Variants in TENM2 observed in about 807,000 individuals in gnomAD.
The protein encoded by TENM2 is teneurin transmembrane protein 2, also known as teneurin-2.
A neutral mutation model predicts 245.2 loss-of-function variants in TENM2; 52 were observed. The ratio of observed to expected loss-of-function variants is 0.21; its 90% CI spans 0.17 to 0.27. The LOEUF is 0.27. Among genes scored for constraint, TENM2 ranks in the 10% least tolerant of loss-of-function variants. The pLI is 1.00. For synonymous variants in TENM2, 1,363 were observed against 1,438.9 expected, an observed-to-expected ratio of 0.95 and a Z score of 1.19; for missense variants, 3,046 against 3,666.8, an observed-to-expected ratio of 0.83 and a Z score of 4.37.
chr5:167,836,493 A>G (rs1043513398), intron 2 of TENM2, among the ~76,000 whole-genome samples: 1 of 152,220 alleles, frequency 6.6e-6, no homozygotes, highest in Admixed American at 6.5e-5. Flanking sequence ...ATGGAATAAT[A>G]TATTTTTGGA....
At chr5:168,220,718 G>C (rs1007659798) in intron 23 of TENM2, among the ~76,000 whole-genome samples, 2 of 152,176 alleles carry the variant, frequency 1.3e-5, no homozygotes, top group African/African-American at 2.4e-5. Flanking sequence ...TTCACCTCCT[G>C]TCAGGGCAGT....
the TENM2 span, among the ~76,000 whole-genome samples, chr5:167,064,075 G>A: frequency 8.5e-4 from 129 of 152,254 alleles, no homozygotes; most frequent in African/African-American, 3.0e-3. Flanking sequence ...AGGCATGTGG[G>A]CTGTTTGCCC....
chr5:167,285,022 C>T, exon 1 of TENM2: 1 of 1,552,216 alleles, frequency 6.4e-7, no homozygotes, highest in Non-Finnish European at 8.7e-7. Flanking sequence ...AACCGAGTCA[C>T]AGACCTCATC....
chr5:167,887,094 A>C (rs939407944), intron 3 of TENM2, among the ~76,000 whole-genome samples: 2 of 152,232 alleles, frequency 1.3e-5, no homozygotes, highest in South Asian at 4.1e-4. Context: ...CACAGGTACC[A>C]TCATTTCCTC....
the TENM2 span, among the ~76,000 whole-genome samples, chr5:167,002,502 T>C: frequency 1.3e-5 from 2 of 151,946 alleles, no homozygotes; most frequent in East Asian, 3.9e-4. Context: ...CCATTCAAAA[T>C]CTGTTAATAA....
At chr5:167,907,558 T>G (rs1453832457) in intron 3 of TENM2, among the ~76,000 whole-genome samples, 4 of 120,198 alleles carry the variant, frequency 3.3e-5, no homozygotes, top group Non-Finnish European at 5.1e-5. Flanking sequence ...TATATATATA[T>G]ATATATATAT....
chr5:167,737,665 A>G (rs906699786), intron 2 of TENM2, among the ~76,000 whole-genome samples: 1 of 151,482 alleles, frequency 6.6e-6, no homozygotes, highest in African/African-American at 2.5e-5. Flanking sequence ...AAGGCTCTAC[A>G]TAATTAAGAG....
chr5:167,016,056 C>G, the TENM2 span, among the ~76,000 whole-genome samples: 9 of 151,902 alleles, frequency 5.9e-5, no homozygotes, highest in Non-Finnish European at 1.2e-4. Context: ...AGATCGAGAC[C>G]ATCCTAGCTA....
chr5:167,729,550 T>G (rs1428349002), intron 2 of TENM2, among the ~76,000 whole-genome samples: 1 of 152,188 alleles, frequency 6.6e-6, no homozygotes, highest in Non-Finnish European at 1.5e-5. Flanking sequence ...TGTAATTGGG[T>G]GAACTCAGCA....
intron 2 of TENM2, among the ~76,000 whole-genome samples, chr5:167,694,917 G>A (rs1757664537): frequency 6.6e-6 from 1 of 152,218 alleles, no homozygotes; most frequent in Non-Finnish European, 1.5e-5. Context: ...GGAGCAAACA[G>A]CCACCAAACT....
chr5:167,073,786 C>G, the TENM2 span, among the ~76,000 whole-genome samples: 1 of 152,142 alleles, frequency 6.6e-6, no homozygotes, highest in Admixed American at 6.6e-5. Context: ...AAACTTGGCC[C>G]TCTTGATCTG....
the TENM2 span, among the ~76,000 whole-genome samples, chr5:167,110,775 A>T: frequency 6.6e-6 from 1 of 152,176 alleles, no homozygotes; most frequent in South Asian, 2.1e-4. Context: ...TTATTTCCTT[A>T]TAATCAAAAC....
the TENM2 span, among the ~76,000 whole-genome samples, chr5:167,263,966 G>A: frequency 6.6e-6 from 1 of 151,922 alleles, no homozygotes; most frequent in African/African-American, 2.4e-5. Context: ...TTAGTTGGGT[G>A]TAGTGGCAGG....
chr5:167,828,026 C>G (rs1268323313), intron 2 of TENM2, among the ~76,000 whole-genome samples: 1 of 152,192 alleles, frequency 6.6e-6, no homozygotes. Context: ...TCAGCACATA[C>G]TTTTGCCTCT....
chr5:167,866,258 G>A (rs1772313734), intron 2 of TENM2, among the ~76,000 whole-genome samples: 1 of 152,182 alleles, frequency 6.6e-6, no homozygotes. Flanking sequence ...CAGGACTTTG[G>A]GAGACCGAGG....
chr5:167,353,495 T>G (rs1759074914), intron 1 of TENM2, among the ~76,000 whole-genome samples: 2 of 95,088 alleles, frequency 2.1e-5, no homozygotes, highest in Non-Finnish European at 1.9e-5. Flanking sequence ...TTTGTTGTTG[T>G]TGTTGTTTTT....
At chr5:167,633,981 T>C (rs1168625033) in intron 2 of TENM2, among the ~76,000 whole-genome samples, 1 of 152,204 alleles carries the variant, frequency 6.6e-6, no homozygotes, top group African/African-American at 2.4e-5. Flanking sequence ...CTGGTTTGTT[T>C]CTGTATTATG....
intron 2 of TENM2, among the ~76,000 whole-genome samples, chr5:167,748,558 T>G (rs561018589): frequency 7.9e-5 from 12 of 151,684 alleles, no homozygotes; most frequent in Non-Finnish European, 1.3e-4. Context: ...CTGGCTCTTT[T>G]TGTGTGTGTT....
At chr5:168,248,405 TC>T in intron 27 of TENM2, 34 bp downstream of exon 29, 1 of 1,588,718 alleles carries the variant, frequency 6.3e-7, no homozygotes, top group Non-Finnish European at 8.6e-7. Context: ...GGGCAGTGGC[TC>T]CCTCCAGGGT....
Sources: allele counts gnomAD v4.1 joint callset (sites outside exome capture counted in the v4.1 genomes callset), GRCh38; gene constraint gnomAD v4.1.1; transcripts MANE v1.5; gene names NCBI Gene and HGNC (gene_info 2026-07-23, HGNC 2026-07-21).